Variants in ABCA13 observed in about 807,000 individuals in gnomAD.
The protein encoded by ABCA13 is ATP-binding cassette sub-family A member 13.
Under a neutral mutation model 478.7 loss-of-function variants are expected in ABCA13, and 476 were observed. The observed-to-expected ratio is 0.99, with a 90% confidence interval of 0.92 to 1.07. The LOEUF (loss-of-function observed/expected upper bound fraction) is 1.07, where lower values mean the gene tolerates loss of function less well. Ranked by LOEUF, ABCA13 falls within the 50% of genes least tolerant of loss-of-function variation. ABCA13 has a pLI of 0.00. For missense variants in ABCA13, 6,060 were observed against 5,910.6 expected, an observed-to-expected ratio of 1.03 and a Z score of -0.83; for synonymous variants, 2,252 against 2,158.9, an observed-to-expected ratio of 1.04 and a Z score of -1.20.
intron 1 of ABCA13, among the ~76,000 whole-genome samples, chr7:48,180,283 G>A (rs1368121740): frequency 2.6e-5 from 4 of 152,204 alleles, no homozygotes; most frequent in Non-Finnish European, 5.9e-5. Context: ...ACACTGGCAT[G>A]GGTGGTGTGA....
chr7:48,478,310 T>TATAA (rs1554531471), intron 45 of ABCA13, among the ~76,000 whole-genome samples: 3 of 146,314 alleles, frequency 2.1e-5, no homozygotes, highest in East Asian at 2.0e-4. Context: ...TATATATATA[T>TATAA]AATCACACAC....
intron 39 of ABCA13, among the ~76,000 whole-genome samples, chr7:48,409,901 G>A (rs1818755839): frequency 1.5e-5 from 2 of 135,060 alleles, no homozygotes; most frequent in African/African-American, 2.7e-5. Flanking sequence ...CCAACATGAT[G>A]AAATCCCATG....
chr7:48,459,972 C>A (rs891297502), intron 43 of ABCA13, among the ~76,000 whole-genome samples: 1 of 152,096 alleles, frequency 6.6e-6, no homozygotes, highest in African/African-American at 2.4e-5. Context: ...GTGAGCCCTC[C>A]TTGAACATGG....
At chr7:48,543,919 A>T (rs572769854) in intron 55 of ABCA13, among the ~76,000 whole-genome samples, 13 of 151,836 alleles carry the variant, frequency 8.6e-5, no homozygotes, top group African/African-American at 3.1e-4. Context: ...TTGGGCTAAT[A>T]ATTTTCCTTC....
At chr7:48,335,809 T>G (rs1584905382) in intron 28 of ABCA13, among the ~76,000 whole-genome samples, 1 of 152,268 alleles carries the variant, frequency 6.6e-6, no homozygotes, top group South Asian at 2.1e-4. Context: ...CTTTTTAGAT[T>G]GTTTGCATAT....
chr7:48,317,345 A>G (rs1471350612), intron 27 of ABCA13, 49 bp downstream of exon 27: 1 of 1,552,780 alleles, frequency 6.4e-7, no homozygotes, highest in East Asian at 2.3e-5. Flanking sequence ...ACACTAAATC[A>G]GGAAGGAATC....
At chr7:48,463,018 C>A (rs1002379877) in intron 43 of ABCA13, among the ~76,000 whole-genome samples, 8 of 152,180 alleles carry the variant, frequency 5.3e-5, no homozygotes, top group Admixed American at 3.3e-4. Flanking sequence ...TAAACAGTGG[C>A]TATCCTCTTA....
intron 42 of ABCA13, among the ~76,000 whole-genome samples, chr7:48,437,994 C>G (rs928856859): frequency 1.3e-5 from 2 of 152,076 alleles, no homozygotes; most frequent in Non-Finnish European, 2.9e-5. Context: ...GCCTCAGGCA[C>G]CCATACGCCT....
At chr7:48,346,778 GA>G (rs1489142583) in intron 29 of ABCA13, among the ~76,000 whole-genome samples, 2 of 152,118 alleles carry the variant, frequency 1.3e-5, no homozygotes, top group Non-Finnish European at 2.9e-5. Context: ...AACTTTTATA[GA>G]TTAAATAACT....
intron 7 of ABCA13, 44 bp from the exon 8 acceptor site, chr7:48,233,974 A>G (rs777662110): frequency 2.5e-6 from 4 of 1,606,742 alleles, no homozygotes; most frequent in Non-Finnish European, 3.4e-6. Context: ...ACATATCAAA[A>G]TATTCAAACA....
At chr7:48,480,821 A>G (rs1442370278) in intron 45 of ABCA13, among the ~76,000 whole-genome samples, 1 of 152,214 alleles carries the variant, frequency 6.6e-6, no homozygotes, top group African/African-American at 2.4e-5. Flanking sequence ...GTTCTCAGAT[A>G]TAATTGACTG....
chr7:48,514,603 A>G (rs914669548), intron 51 of ABCA13, among the ~76,000 whole-genome samples: 1 of 152,174 alleles, frequency 6.6e-6, no homozygotes, highest in African/African-American at 2.4e-5. Context: ...AATACTTGCA[A>G]TTCTGTGATT....
At chr7:48,268,323 AT>A in intron 15 of ABCA13, among the ~76,000 whole-genome samples, 1 of 150,794 alleles carries the variant, frequency 6.6e-6, no homozygotes, top group Non-Finnish European at 1.5e-5. Context: ...CACCCGGCTA[AT>A]TTTTTTGTAT....
chr7:48,297,166 T>C (rs546894427), intron 21 of ABCA13, 66 bp from the exon 22 acceptor site: 1 of 1,315,384 alleles, frequency 7.6e-7, no homozygotes, highest in African/African-American at 1.5e-5. Context: ...GGCAGTATTA[T>C]TCATTCCAAC....
At position 48,271,858 on chromosome 7, in the gene ABCA13, A is replaced by G. The variant is rs771909959; in HGVS notation, c.2192A>G (p.Asn731Ser). ...KLHTLEDEQM[N>S]FLLSFVEFFE... ...CACACCCTTGAGGATGAACAAATGA[A>G]CTTTCTTTTATCATTTGTGGAATTT... The change falls in exon 17 of 62, where the codon AAC becomes AGC. Residue 731 changes from asparagine (N) to serine (S), a missense_variant. This residue lies in a region of ABCA13 where 4,423 missense variants were observed against 4,309.1 expected (regional missense o/e 1.03). Transcript: ENST00000435803. 6 of 1,598,722 alleles carry G rather than the reference A, an allele frequency of 3.8e-6. No individual in the cohort carries two copies. Among genetic ancestry groups the G allele is most frequent in the South Asian group, 3.4e-5 (3 of 88,558 alleles).
chr7:48,640,496 A>G (rs185458136), intron 59 of ABCA13, among the ~76,000 whole-genome samples: 34 of 152,310 alleles, frequency 2.2e-4, no homozygotes, highest in African/African-American at 7.9e-4. Flanking sequence ...AAATTGTAGA[A>G]TATTTCTTGT....
intron 52 of ABCA13, among the ~76,000 whole-genome samples, chr7:48,519,039 C>T (rs1300239252): frequency 6.6e-6 from 1 of 152,038 alleles, no homozygotes; most frequent in Admixed American, 6.6e-5. Context: ...TGCTCAGCTC[C>T]CACTTATAAG....
chr7:48,343,392 G>A (rs1273296094), intron 29 of ABCA13, among the ~76,000 whole-genome samples: 2 of 151,912 alleles, frequency 1.3e-5, no homozygotes, highest in East Asian at 1.9e-4. Flanking sequence ...GGTGGGGTGG[G>A]GATCTCACCT....
At chr7:48,220,742 T>C (rs1024833147) in intron 4 of ABCA13, among the ~76,000 whole-genome samples, 4 of 152,214 alleles carry the variant, frequency 2.6e-5, no homozygotes, top group African/African-American at 9.6e-5. Flanking sequence ...ATTCTACTTT[T>C]ATAAAATTTG....
Sources: allele counts gnomAD v4.1 joint callset (sites outside exome capture counted in the v4.1 genomes callset), GRCh38; gene constraint gnomAD v4.1.1; regional missense constraint gnomAD v4.1.1; transcripts MANE v1.5; gene names NCBI Gene and HGNC (gene_info 2026-07-23, HGNC 2026-07-21).